Variants in KHDRBS3 observed in about 807,000 individuals in gnomAD.
The protein encoded by KHDRBS3 is KH domain-containing, RNA-binding, signal transduction-associated protein 3.
A neutral mutation model predicts 45.6 loss-of-function variants in KHDRBS3; 23 were observed. The ratio of observed to expected loss-of-function variants is 0.50; its 90% CI spans 0.36 to 0.72. The LOEUF (loss-of-function observed/expected upper bound fraction) is 0.72. KHDRBS3 is among the 30% of genes least tolerant of loss of function. KHDRBS3 has a pLI of 0.00. For synonymous variants in KHDRBS3, 162 were observed against 156.5 expected (o/e 1.04, Z -0.26); for missense variants, 352 against 424.8 (o/e 0.83, Z 1.51).
At chr8:135,627,818 G>T (rs771208174) in intron 7 of KHDRBS3, among the ~76,000 whole-genome samples, 1 of 151,884 alleles carries the variant, frequency 6.6e-6, no homozygotes, top group Non-Finnish European at 1.5e-5. Flanking sequence ...GAATTACATG[G>T]CTTTTTTTTA....
intron 5 of KHDRBS3, among the ~76,000 whole-genome samples, chr8:135,567,303 G>T (rs531860774): frequency 3.9e-5 from 6 of 151,910 alleles, no homozygotes; most frequent in African/African-American, 9.7e-5. Flanking sequence ...AAACACGTCA[G>T]TTCACACTTG....
At chr8:135,653,560 G>A (rs1189735804) in intron 4 of KHDRBS3, among the ~76,000 whole-genome samples, 1 of 152,172 alleles carries the variant, frequency 6.6e-6, no homozygotes, top group Non-Finnish European at 1.5e-5. Flanking sequence ...GCCATGCCAG[G>A]CAATGGCAGT....
At position 135,601,526 on chromosome 8, in the gene KHDRBS3, G is replaced by A. The variant is rs573551502; in HGVS notation, c.808-5429G>A. Among the ~76,000 whole-genome samples the A allele has an allele frequency of 2.0e-5, 3 of 152,314 alleles. No individual in the cohort carries two copies. In the South Asian group the frequency reaches 6.2e-4, roughly 32 times the overall value. On this transcript the variant is annotated intron_variant, in intron 6 of 8. Coordinates refer to ENST00000355849, the MANE Select transcript of KHDRBS3 (RefSeq NM_006558.3). ...ATGAACTAGAAATAGTCATTGCATG[G>A]GAGGCACAGGACACATTGCAGAAAA...
At chr8:135,554,675 C>T (rs1340760722) in intron 4 of KHDRBS3, among the ~76,000 whole-genome samples, 2 of 152,114 alleles carry the variant, frequency 1.3e-5, no homozygotes, top group Non-Finnish European at 2.9e-5. Flanking sequence ...TTCTCTTCTT[C>T]CTGCTTTGCA....
chr8:135,638,946 C>T (rs1416644279), intron 7 of KHDRBS3, among the ~76,000 whole-genome samples: 13 of 136,802 alleles, frequency 9.5e-5, no homozygotes, highest in African/African-American at 2.0e-4. Context: ...GGAAACAGAG[C>T]GAGAGAGTGA....
At chr8:135,512,090 G>A (rs968722378) in intron 1 of KHDRBS3, among the ~76,000 whole-genome samples, 3 of 152,062 alleles carry the variant, frequency 2.0e-5, no homozygotes, top group Admixed American at 6.6e-5. Context: ...GTTCAACTCT[G>A]GTTTGAATGT....
chr8:135,457,918 C>G lies in KHDRBS3; in HGVS notation c.52C>G (p.Pro18Ala). 6.2e-7 allele frequency: 1 copy of G among 1,603,146 alleles called. No individual in the cohort carries two copies. Among genetic ancestry groups the G allele is most frequent in the African/African-American group, 1.3e-5 (1 of 74,180 alleles). Residue 18 changes from proline (P) to alanine (A), a missense_variant, in exon 1 of 9, where the codon CCC becomes GCC. Around this residue, in one of 6 missense-constraint regions of KHDRBS3, gnomAD observed 58 missense variants for 64.5 expected, o/e 0.90. Transcript: ENST00000355849. This position sits in a 1 kb window ranked among gnomAD's most constrained non-coding sequence, Gnocchi z 4.4. ...GATGGCGGAGAAGGACTCCCTGGAC[C>G]CCTCCTTCACGCACGCCCTGCGCCT... ...ELMAEKDSLD[P>A]SFTHALRLVN...
intron 2 of KHDRBS3, 72 bp from the exon 3 acceptor site, chr8:135,542,582 T>G: frequency 1.1e-6 from 1 of 950,538 alleles, no homozygotes; most frequent in Non-Finnish European, 1.7e-6. Context: ...ACTACAGTGT[T>G]TCTTAACATT....
At chr8:135,633,759 A>G (rs1586837523) in intron 7 of KHDRBS3, among the ~76,000 whole-genome samples, 1 of 152,176 alleles carries the variant, frequency 6.6e-6, no homozygotes, top group South Asian at 2.1e-4. Context: ...CAACATTGAG[A>G]GGAAGGCACA....
At chr8:135,630,030 G>A (rs1253259155) in intron 7 of KHDRBS3, among the ~76,000 whole-genome samples, 1 of 152,226 alleles carries the variant, frequency 6.6e-6, no homozygotes, top group African/African-American at 2.4e-5. Context: ...AGAGATGAAA[G>A]ACAAGCCACC....
intron 1 of KHDRBS3, among the ~76,000 whole-genome samples, chr8:135,492,091 A>C (rs1823182319): frequency 6.6e-6 from 1 of 152,198 alleles, no homozygotes; most frequent in Admixed American, 6.5e-5. Context: ...TCTTGTGGAT[A>C]CCATAGTACT....
chr8:135,582,290 A>G (rs1401413875), intron 6 of KHDRBS3, among the ~76,000 whole-genome samples: 2 of 152,210 alleles, frequency 1.3e-5, no homozygotes, highest in African/African-American at 2.4e-5. Flanking sequence ...AATCTAAGGT[A>G]TGGAAGAGGA....
At chr8:135,596,590 T>A (rs896809305) in intron 6 of KHDRBS3, among the ~76,000 whole-genome samples, 7 of 152,094 alleles carry the variant, frequency 4.6e-5, no homozygotes, top group Admixed American at 2.0e-4. Flanking sequence ...ATAAAAAAAA[T>A]TACAGACATA....
In KHDRBS3 at chr8:135,521,222, T is replaced by G; in HGVS notation, c.89-15T>G. 1 of 1,513,294 alleles carries G rather than the reference T, an allele frequency of 6.6e-7. No individual in the cohort carries two copies. The allele number at this position is 1,513,294 out of a possible 1,614,324, so 93.7% of individuals were successfully genotyped here. A position where few individuals can be genotyped will look rare whatever the true frequency, so the allele number is the denominator to read the frequency against. On this transcript the variant is annotated splice_polypyrimidine_tract_variant and intron_variant, in intron 1 of 8. Coordinates refer to ENST00000355849, the MANE Select transcript of KHDRBS3 (RefSeq NM_006558.3). The stretch of plus-strand genomic sequence containing the variant: ...CTGAGTCATACACTTCATGGTTATC[T>G]TTTTGCCTCCACAGAAATAGAAAAG...
chr8:135,562,226 A>T (rs548509281), intron 5 of KHDRBS3, among the ~76,000 whole-genome samples: 1 of 152,164 alleles, frequency 6.6e-6, no homozygotes, highest in African/African-American at 2.4e-5. Flanking sequence ...ACCATTCTCC[A>T]TCTTTTATAT....
intron 1 of KHDRBS3, among the ~76,000 whole-genome samples, chr8:135,499,662 T>C (rs1823634440): frequency 6.6e-6 from 1 of 152,222 alleles, no homozygotes; most frequent in Non-Finnish European, 1.5e-5. Flanking sequence ...TTCATTGCAT[T>C]TTTTAAGTTA....
intron 1 of KHDRBS3, among the ~76,000 whole-genome samples, chr8:135,483,927 G>A (rs1022411877): frequency 1.3e-5 from 2 of 152,128 alleles, no homozygotes; most frequent in African/African-American, 4.8e-5. Context: ...GACTTTGAAT[G>A]TTCACTATTT....
intron 4 of KHDRBS3, among the ~76,000 whole-genome samples, chr8:135,552,188 T>C (rs981518887): frequency 6.6e-6 from 1 of 152,076 alleles, no homozygotes; most frequent in Non-Finnish European, 1.5e-5. Context: ...ATGTGGAAAG[T>C]TTTCAGCTAT....
chr8:135,654,197 T>C (rs1201889694), intron 4 of KHDRBS3, among the ~76,000 whole-genome samples: 2 of 152,240 alleles, frequency 1.3e-5, no homozygotes, highest in African/African-American at 4.8e-5. Flanking sequence ...CTTTTTCTTT[T>C]TATTGGCTGA....
Sources: allele counts gnomAD v4.1 joint callset (sites outside exome capture counted in the v4.1 genomes callset), GRCh38; gene constraint gnomAD v4.1.1; regional missense constraint gnomAD v4.1.1; non-coding constraint Gnocchi (gnomAD v3.1); transcripts MANE v1.5; gene names NCBI Gene and HGNC (gene_info 2026-07-23, HGNC 2026-07-21).